Variants in HESX1 observed in about 807,000 individuals in gnomAD.
HESX1 encodes the protein HESX homeobox 1, also known as homeobox expressed in ES cells 1.
A neutral mutation model predicts 22.5 loss-of-function variants in HESX1; 11 were observed. The observed-to-expected ratio is 0.49, with a 90% confidence interval of 0.31 to 0.81. The LOEUF (loss-of-function observed/expected upper bound fraction) is 0.81. Ranked by LOEUF, HESX1 falls within the 30% of genes least tolerant of loss-of-function variation. The probability of loss-of-function intolerance (pLI) is 0.05; values close to 1 mark genes in which losing one functional copy is unlikely to be tolerated. For missense variants in HESX1, 201 were observed against 212.6 expected (o/e 0.95, Z 0.34); for synonymous variants, 74 against 76.5 (o/e 0.97, Z 0.17).
At chr3:57,216,818 C>G (rs909326489) in intron 1 of HESX1, among the ~76,000 whole-genome samples, 1 of 151,924 alleles carries the variant, frequency 6.6e-6, no homozygotes, top group African/African-American at 2.4e-5. Flanking sequence ...TACTCTTTTC[C>G]CCTTTATAAT....
At chr3:57,224,652 T>C (rs1276726327) in intron 1 of HESX1, among the ~76,000 whole-genome samples, 1 of 152,218 alleles carries the variant, frequency 6.6e-6, no homozygotes, top group Non-Finnish European at 1.5e-5. Flanking sequence ...ATAACTTTTA[T>C]GTGTGCATTA....
At chr3:57,213,081 T>C (rs2060565072) in intron 1 of HESX1, among the ~76,000 whole-genome samples, 1 of 151,948 alleles carries the variant, frequency 6.6e-6, no homozygotes, top group African/African-American at 2.4e-5. Flanking sequence ...ACCACAAACA[T>C]GTATAGCTCT....
chr3:57,225,015 C>G (rs1160803796), intron 1 of HESX1, among the ~76,000 whole-genome samples: 2 of 152,148 alleles, frequency 1.3e-5, no homozygotes, highest in Non-Finnish European at 2.9e-5. Context: ...CGCCAGTAAC[C>G]CCTAAGGCAT....
upstream of HESX1, among the ~76,000 whole-genome samples, chr3:57,226,992 T>C (rs758823308): frequency 2.6e-5 from 4 of 152,226 alleles, no homozygotes; most frequent in Non-Finnish European, 4.4e-5. Flanking sequence ...TATTTAACGC[T>C]TCCAAAACTT....
chr3:57,210,386 G>A (rs1310107228), intron 1 of HESX1, among the ~76,000 whole-genome samples: 1 of 152,002 alleles, frequency 6.6e-6, no homozygotes, highest in African/African-American at 2.4e-5. Context: ...TTAACATCAG[G>A]AAAAACGTAC....
chr3:57,221,229 A>G (rs561245088), intron 1 of HESX1, among the ~76,000 whole-genome samples: 4 of 151,220 alleles, frequency 2.6e-5, no homozygotes, highest in African/African-American at 4.9e-5. Flanking sequence ...CCATGGCTCA[A>G]TGCAGCCTCC....
chr3:57,199,519 TGAGGCAG>T lies in HESX1; in HGVS notation c.157+236_157+242del, dbSNP rs2060470296. Reference sequence around the variant, plus strand: ...CTGTAATCCCAGCTACTTGGCAGGCTGAGGCAGGAGAATCGTTTGAACCCAGGAGGCG... The same window carrying T: ...CTGTAATCCCAGCTACTTGGCAGGCTGAGAATCGTTTGAACCCAGGAGGCG... On this transcript the variant is annotated intron_variant, in intron 1 of 3. Coordinates refer to ENST00000295934, the MANE Select transcript of HESX1 (RefSeq NM_003865.3). Among the ~76,000 whole-genome samples, 3 of 151,896 alleles carry T rather than the reference TGAGGCAG, an allele frequency of 2.0e-5. No individual in the cohort carries two copies. In the South Asian group the frequency reaches 6.2e-4, roughly 32 times the overall value.
intron 1 of HESX1, among the ~76,000 whole-genome samples, chr3:57,219,600 C>T (rs1240996428): frequency 6.6e-6 from 1 of 152,128 alleles, no homozygotes; most frequent in South Asian, 2.1e-4. Context: ...ATCTCCTGAC[C>T]TCATGATCCA....
At chr3:57,200,236 G>A (rs78923766), upstream of HESX1, among the ~76,000 whole-genome samples, 4 of 152,340 alleles carry the variant, frequency 2.6e-5, no homozygotes, top group East Asian at 1.9e-4. Context: ...CTCTAAAGAA[G>A]TGATGCACAA....
intron 1 of HESX1, among the ~76,000 whole-genome samples, chr3:57,206,496 A>T (rs2060519943): frequency 6.6e-6 from 1 of 152,212 alleles, no homozygotes. Flanking sequence ...TAGATAAAAC[A>T]TACCTTTAAA....
chr3:57,208,778 C>T (rs1488941078), intron 1 of HESX1, among the ~76,000 whole-genome samples: 4 of 151,016 alleles, frequency 2.6e-5, no homozygotes, highest in Non-Finnish European at 4.4e-5. Flanking sequence ...CTGGCCAACA[C>T]GGTGAAGCCC....
chr3:57,212,379 T>C (rs2060559541), intron 1 of HESX1, among the ~76,000 whole-genome samples: 1 of 151,904 alleles, frequency 6.6e-6, no homozygotes, highest in African/African-American at 2.4e-5. Context: ...GCCAACGTGG[T>C]GAAACCCCGT....
chr3:57,198,332 ATTATT>A (rs1559496598), intron 3 of HESX1, 37 bp from the exon 4 acceptor site: 7 of 1,556,894 alleles, frequency 4.5e-6, no homozygotes, highest in Admixed American at 1.7e-5. Context: ...TCTCAGAAAC[ATTATT>A]TTATTATTCT....
chr3:57,205,433 T>C (rs1314480235), intron 1 of HESX1, among the ~76,000 whole-genome samples: 1 of 152,018 alleles, frequency 6.6e-6, no homozygotes, highest in Non-Finnish European at 1.5e-5. Flanking sequence ...CAACTCCCCA[T>C]CTCAAGAAAA....
upstream of HESX1, among the ~76,000 whole-genome samples, chr3:57,201,982 G>C (rs2060492100): frequency 1.3e-5 from 2 of 151,112 alleles, no homozygotes; most frequent in Non-Finnish European, 1.5e-5. Context: ...GCAGTGGTGT[G>C]ATCTCGGCTC....
At chr3:57,214,077 T>G (rs1333128608) in intron 1 of HESX1, among the ~76,000 whole-genome samples, 1 of 152,224 alleles carries the variant, frequency 6.6e-6, no homozygotes, top group East Asian at 1.9e-4. Context: ...GTTGATTTTA[T>G]TAGGTATGAT....
intron 1 of HESX1, among the ~76,000 whole-genome samples, chr3:57,219,197 T>C (rs1401390648): frequency 6.6e-6 from 1 of 152,206 alleles, no homozygotes; most frequent in Non-Finnish European, 1.5e-5. Context: ...TGGTTTTCTG[T>C]TCCTGCATTA....
intron 1 of HESX1, among the ~76,000 whole-genome samples, chr3:57,213,399 G>A (rs2060566740): frequency 6.6e-6 from 1 of 152,134 alleles, no homozygotes; most frequent in South Asian, 2.1e-4. Flanking sequence ...TGCCTGGATT[G>A]ACAGTGGGAA....
chr3:57,214,801 T>A (rs1260106562), intron 1 of HESX1, among the ~76,000 whole-genome samples: 1 of 152,094 alleles, frequency 6.6e-6, no homozygotes, highest in Non-Finnish European at 1.5e-5. Flanking sequence ...GTGTGTGTGC[T>A]TGTCTGTTGA....
Sources: gnomAD v4.1 joint callset for allele counts (sites outside exome capture counted in the v4.1 genomes callset) on GRCh38, gnomAD v4.1.1 for gene constraint, MANE v1.5 for transcripts, NCBI Gene and HGNC (gene_info 2026-07-23, HGNC 2026-07-21) for gene names.